ACYP2: variants seen among roughly 807,000 people sequenced by gnomAD.
ACYP2 encodes the protein acylphosphatase 2.
In ACYP2, 12 loss-of-function variants were observed where a neutral mutation model predicts 11.2. That is an observed-to-expected ratio of 1.08 (90% confidence interval 0.69 to 1.74). ACYP2 has a LOEUF of 1.74. Ranked by LOEUF, ACYP2 falls within the 40% of genes most tolerant of loss-of-function variation. The pLI, the probability that ACYP2 is intolerant of heterozygous loss-of-function variation, is 0.00. For synonymous variants in ACYP2, 43 were observed against 32.2 expected (o/e 1.33, Z -1.13); for missense variants, 134 against 101.9 (o/e 1.31, Z -1.35).
intron 6 of ACYP2, among the ~76,000 whole-genome samples, chr2:54,283,564 T>C (rs1175131633): frequency 1.3e-5 from 2 of 152,254 alleles, no homozygotes; most frequent in Non-Finnish European, 2.9e-5. Flanking sequence ...GGTCTAGCTC[T>C]GACTCAAAAG....
chr2:54,070,349 A>C (rs755013861), intron 4 of ACYP2, among the ~76,000 whole-genome samples: 7 of 152,226 alleles, frequency 4.6e-5, no homozygotes, highest in Non-Finnish European at 1.0e-4. Flanking sequence ...AATTGACAAA[A>C]TGGCTTATAA....
intron 6 of ACYP2, among the ~76,000 whole-genome samples, chr2:54,195,651 A>C (rs982312129): frequency 6.9e-6 from 1 of 143,974 alleles, no homozygotes; most frequent in African/African-American, 2.7e-5. Context: ...AAAAAAAAAA[A>C]CAAAACACTG....
chr2:54,048,883 T>G (rs534271184), intron 2 of ACYP2, among the ~76,000 whole-genome samples: 1 of 152,254 alleles, frequency 6.6e-6, no homozygotes, highest in Non-Finnish European at 1.5e-5. Flanking sequence ...CAAGGGTAGG[T>G]GCACCTCAGG....
In ACYP2 at chr2:54,197,916, TATTTTATTTTATTTATG is replaced by T. The variant is rs568542508; in HGVS notation, c.404+59169_404+59185del. On this transcript the variant is annotated intron_variant, in intron 6 of 6. Transcript: ENST00000607452. The stretch of plus-strand genomic sequence containing the variant: ...AGGATTTTATTTTATTTTATTTTAT[TATTTTATTTTATTTATG>T]TATGTATTATATTGTATTGTATTGT... Among the ~76,000 whole-genome samples, 285 of 135,380 alleles carry T rather than the reference TATTTTATTTTATTTATG, an allele frequency of 2.1e-3. 12 individuals are homozygous for T. Among genetic ancestry groups the T allele is most frequent in the South Asian group, 4.3e-3 (15 of 3,460 alleles). 88.8% of individuals were successfully genotyped at this position (135,380 alleles called of 152,430 possible). A position where few individuals can be genotyped will look rare whatever the true frequency, so the allele number is the denominator to read the frequency against.
At chr2:54,038,415 AAT>A (rs1011050384) in intron 2 of ACYP2, among the ~76,000 whole-genome samples, 9 of 151,956 alleles carry the variant, frequency 5.9e-5, no homozygotes, top group African/African-American at 1.9e-4. Context: ...CAGGGATTTA[AAT>A]ATATATATGT....
At chr2:54,103,349 T>G (rs1300292763) in intron 4 of ACYP2, among the ~76,000 whole-genome samples, 1 of 152,230 alleles carries the variant, frequency 6.6e-6, no homozygotes, top group Non-Finnish European at 1.5e-5. Flanking sequence ...CATTTGGGTT[T>G]TTATGAGTTA....
intron 4 of ACYP2, among the ~76,000 whole-genome samples, chr2:54,133,943 G>T (rs1479965089): frequency 1.3e-5 from 2 of 152,140 alleles, no homozygotes; most frequent in Non-Finnish European, 2.9e-5. Context: ...TAGTTTTGCA[G>T]GCTGGGTAAG....
chr2:54,215,782 G>A (rs2103939613), intron 6 of ACYP2, among the ~76,000 whole-genome samples: 1 of 152,230 alleles, frequency 6.6e-6, no homozygotes, highest in East Asian at 1.9e-4. Context: ...ATGGCTGCAA[G>A]ACATTCCATT....
intron 4 of ACYP2, among the ~76,000 whole-genome samples, chr2:54,119,007 C>T (rs1157513544): frequency 6.8e-6 from 1 of 146,462 alleles, no homozygotes; most frequent in Non-Finnish European, 1.5e-5. Flanking sequence ...AACTTCTTTC[C>T]CAGTTATACA....
chr2:54,269,966 C>G (rs1688210067), intron 6 of ACYP2, among the ~76,000 whole-genome samples: 1 of 151,986 alleles, frequency 6.6e-6, no homozygotes, highest in African/African-American at 2.4e-5. Flanking sequence ...TATTTTGTTT[C>G]CAGTTTTTTG....
chr2:54,177,862 G>T (rs1284770403), intron 6 of ACYP2, among the ~76,000 whole-genome samples: 2 of 149,882 alleles, frequency 1.3e-5, no homozygotes, highest in Non-Finnish European at 3.0e-5. Context: ...TTACAGGTGT[G>T]AGCCACCGTG....
chr2:54,266,301 C>G (rs574421252), intron 6 of ACYP2, among the ~76,000 whole-genome samples: 1 of 152,150 alleles, frequency 6.6e-6, no homozygotes, highest in Non-Finnish European at 1.5e-5. Context: ...ACTGGACATG[C>G]CCATGCCCTT....
At chr2:53,988,785 A>G (rs564226149) in intron 2 of ACYP2, among the ~76,000 whole-genome samples, 2 of 151,758 alleles carry the variant, frequency 1.3e-5, no homozygotes, top group South Asian at 2.1e-4. Context: ...TCACTCTGTC[A>G]CCTGGGCTGG....
chr2:54,279,627 A>G (rs1688758862), intron 6 of ACYP2, among the ~76,000 whole-genome samples: 2 of 151,048 alleles, frequency 1.3e-5, no homozygotes, highest in South Asian at 2.1e-4. Context: ...TCTGAAAGAG[A>G]GCATTTTCAC....
In ACYP2 at chr2:54,276,770, A is replaced by G. The variant is rs188933244; in HGVS notation, c.405-27918A>G. Among the ~76,000 whole-genome samples, 338 of 152,276 alleles carry G rather than the reference A, an allele frequency of 2.2e-3. 1 individual carries two copies. The highest frequency in any genetic ancestry group is 7.7e-3 in the African/African-American group (319 of 41,564). ...TACTGGAGAAATTTGAAAATAATTA[A>G]AAAAGGAAAGAATGAAAGCCATTCT... On this transcript the variant is annotated intron_variant, in intron 6 of 6. Coordinates refer to ENST00000607452, the MANE Select transcript of ACYP2 (RefSeq NM_001320586.2).
intron 2 of ACYP2, among the ~76,000 whole-genome samples, chr2:53,993,639 G>C (rs1291626151): frequency 6.6e-6 from 1 of 151,550 alleles, no homozygotes; most frequent in Non-Finnish European, 1.5e-5. Flanking sequence ...AGAGGATGCA[G>C]TAAGCCAAGA....
At chr2:54,006,192 G>T (rs568574102) in intron 2 of ACYP2, among the ~76,000 whole-genome samples, 2 of 152,266 alleles carry the variant, frequency 1.3e-5, no homozygotes, top group South Asian at 2.1e-4. Context: ...TTGTCCCCCA[G>T]GCTGGAGTGC....
At chr2:54,102,898 C>A (rs1213058450) in intron 4 of ACYP2, among the ~76,000 whole-genome samples, 1 of 152,124 alleles carries the variant, frequency 6.6e-6, no homozygotes, top group Non-Finnish European at 1.5e-5. Context: ...AAGGGAATAC[C>A]TCATTTCTAA....
intron 4 of ACYP2, among the ~76,000 whole-genome samples, chr2:54,078,438 G>C (rs1324326471): frequency 7.5e-6 from 1 of 132,720 alleles, no homozygotes; most frequent in African/African-American, 2.7e-5. Context: ...TATATATATG[G>C]AAACCAGCTC....
Sources: gnomAD v4.1 joint callset for allele counts (sites outside exome capture counted in the v4.1 genomes callset) on GRCh38, gnomAD v4.1.1 for gene constraint, MANE v1.5 for transcripts, NCBI Gene and HGNC (gene_info 2026-07-23, HGNC 2026-07-21) for gene names.